RHOT1: variants seen among roughly 807,000 people sequenced by gnomAD.
The protein encoded by RHOT1 is ras homolog family member T1, also known as mitochondrial Rho GTPase 1.
Under a neutral mutation model 95.3 loss-of-function variants are expected in RHOT1, and 27 were observed. That is an observed-to-expected ratio of 0.28 (90% confidence interval 0.21 to 0.39). The LOEUF is 0.39. Ranked by LOEUF, RHOT1 falls within the 10% of genes least tolerant of loss-of-function variation. The pLI is 1.00. For missense variants in RHOT1, 578 were observed against 786.7 expected (o/e 0.73, Z 3.17); for synonymous variants, 227 against 263.5 (o/e 0.86, Z 1.34).
chr17:32,145,050 A>G (rs1401326062), intron 1 of RHOT1, among the ~76,000 whole-genome samples: 2 of 152,088 alleles, frequency 1.3e-5, no homozygotes, highest in African/African-American at 4.8e-5. Context: ...TAACCCCAAC[A>G]CTTTGGGAGG....
chr17:32,188,346 T>A (rs1203299867), intron 8 of RHOT1, among the ~76,000 whole-genome samples: 2 of 152,244 alleles, frequency 1.3e-5, no homozygotes, highest in Non-Finnish European at 2.9e-5. Flanking sequence ...TGCAATTGAG[T>A]TTCCATTAAC....
In RHOT1 at chr17:32,223,943, C is replaced by T. The variant is rs2038988578; in HGVS notation, c.1863-673C>T. On this transcript the variant is annotated intron_variant, in intron 19 of 19. Transcript: ENST00000545287. ...TACTATGGCTTATTTTATGTCATTG[C>T]CTTTCAATCCATCACATTACGTTAT... Among the ~76,000 whole-genome samples the T allele has an allele frequency of 2.0e-5, 3 of 152,238 alleles. No homozygotes were observed. The South Asian group carries it at 6.2e-4, about 32-fold the overall frequency.
rs1168725904 is a variant in RHOT1 at position 32,171,040 on chromosome 17, C to T, written c.38-3C>T. 2 of 1,599,456 alleles carry T rather than the reference C, an allele frequency of 1.3e-6. No individual in the cohort carries two copies. Among genetic ancestry groups the T allele is most frequent in the Non-Finnish European group, 1.7e-6 (2 of 1,172,398 alleles). On this transcript the variant is annotated splice_polypyrimidine_tract_variant and splice_region_variant and intron_variant, in intron 1 of 19. Coordinates refer to ENST00000545287, the MANE Select transcript of RHOT1 (RefSeq NM_001033566.3). ...ATTAAAGTAACGATTTTTCTTTTCA[C>T]AGCTAGAGTTGGGAAGACATCACTG...
intron 3 of RHOT1, 68 bp downstream of exon 3, chr17:32,173,980 G>A: frequency 9.1e-7 from 1 of 1,096,856 alleles, no homozygotes; most frequent in Non-Finnish European, 1.4e-6. Context: ...GATACTTACT[G>A]AGCTTTTACA....
chr17:32,220,885 T>G (rs2038791212), intron 19 of RHOT1, among the ~76,000 whole-genome samples: 1 of 152,198 alleles, frequency 6.6e-6, no homozygotes, highest in Non-Finnish European at 1.5e-5. Context: ...TGATTTTTTT[T>G]CTTACTTTGC....
At chr17:32,172,209 A>G (rs2034634027) in intron 2 of RHOT1, among the ~76,000 whole-genome samples, 1 of 152,174 alleles carries the variant, frequency 6.6e-6, no homozygotes, top group Non-Finnish European at 1.5e-5. Flanking sequence ...CTGCCAAAAG[A>G]CTATTTATTA....
chr17:32,176,119 A>C, intron 5 of RHOT1, 42 bp from the exon 6 acceptor site: 1 of 1,597,218 alleles, frequency 6.3e-7, no homozygotes, highest in Non-Finnish European at 8.5e-7. Flanking sequence ...TGTTTTGTAA[A>C]GATCCTTATC....
intron 15 of RHOT1, among the ~76,000 whole-genome samples, chr17:32,203,269 C>CTTTTTTTTTTTTTTTTT (rs940216011): frequency 4.7e-4 from 34 of 72,324 alleles, no homozygotes; most frequent in Non-Finnish European, 7.1e-4. Context: ...TCTTCTTCTT[C>CTTTTTTTTTTTTTTTTT]TTTTTTTTTT....
rs946423138 is a variant in RHOT1 at position 32,202,913 on chromosome 17, G to T, written c.1332+13G>T. 2.5e-6 allele frequency: 4 copies of T among 1,603,968 alleles called. No homozygotes were observed. The African/African-American group carries it at 4.0e-5, about 16-fold the overall frequency. The stretch of plus-strand genomic sequence containing the variant: ...AAGAAACTTAATGGTGAGAGTTCTC[G>T]TAAAATACAATTTTATCCAACAAAT... On this transcript the variant is annotated intron_variant, in intron 15 of 19. Transcript: ENST00000545287.
At chr17:32,165,917 G>A (rs1389672768) in intron 1 of RHOT1, among the ~76,000 whole-genome samples, 1 of 152,088 alleles carries the variant, frequency 6.6e-6, no homozygotes, top group Non-Finnish European at 1.5e-5. Context: ...AGGTGTGGTG[G>A]TGCATGCCTG....
At chr17:32,209,218 T>A (rs2037962687) in intron 18 of RHOT1, 1 of 449,018 alleles carries the variant, frequency 2.2e-6, no homozygotes, top group Admixed American at 4.0e-5. Flanking sequence ...TACCTAATAC[T>A]TTTTTTAGAT....
At chr17:32,150,685 A>G (rs2032172081) in intron 1 of RHOT1, 11 of 1,599,566 alleles carry the variant, frequency 6.9e-6, no homozygotes, top group East Asian at 2.2e-5. Flanking sequence ...ATACAGTTCT[A>G]TGATTTGGGA....
At chr17:32,146,553 C>G (rs2031362741) in intron 1 of RHOT1, among the ~76,000 whole-genome samples, 1 of 148,338 alleles carries the variant, frequency 6.7e-6, no homozygotes, top group Admixed American at 6.8e-5. Flanking sequence ...TCAGGCCAGT[C>G]TCCTGCCTCA....
In RHOT1 at chr17:32,170,869, GTA is replaced by G. The variant is rs111719037; in HGVS notation, c.38-172_38-171del. On this transcript the variant is annotated intron_variant, in intron 1 of 19. Transcript: ENST00000545287. ...TATTTTGGCAAGTTTTTAAAAAAGA[GTA>G]TGTGTGACTTTTCTAAACATAAAGA... is the stretch of plus-strand genomic sequence containing the variant. 4.2e-3 allele frequency among the ~76,000 whole-genome samples: 638 copies of G among 152,312 alleles called. 6 individuals are homozygous for G. Among genetic ancestry groups the G allele is most frequent in the African/African-American group, 0.014 (580 of 41,560 alleles).
At chr17:32,188,528 G>A (rs2036227604) in intron 8 of RHOT1, among the ~76,000 whole-genome samples, 1 of 152,112 alleles carries the variant, frequency 6.6e-6, no homozygotes, top group Admixed American at 6.5e-5. Flanking sequence ...TTCAAAGATG[G>A]GACATGTAAA....
intron 1 of RHOT1, among the ~76,000 whole-genome samples, chr17:32,154,883 G>A (rs2142398900): frequency 6.6e-6 from 1 of 150,742 alleles, no homozygotes; most frequent in East Asian, 2.0e-4. Context: ...AACAGAGCAA[G>A]GATCCATCTA....
intron 1 of RHOT1, among the ~76,000 whole-genome samples, chr17:32,162,741 A>G (rs2033678693): frequency 6.6e-6 from 1 of 152,226 alleles, no homozygotes; most frequent in South Asian, 2.1e-4. Context: ...TATTGTGTCA[A>G]TGTAGATTCA....
chr17:32,167,390 A>T (rs903484371), intron 1 of RHOT1, among the ~76,000 whole-genome samples: 1 of 151,266 alleles, frequency 6.6e-6, no homozygotes, highest in Non-Finnish European at 1.5e-5. Flanking sequence ...GCAGTAGTGC[A>T]ATCTTGGCTC....
At chr17:32,178,285 G>A (rs1190035032) in intron 6 of RHOT1, among the ~76,000 whole-genome samples, 2 of 146,568 alleles carry the variant, frequency 1.4e-5, no homozygotes, top group Non-Finnish European at 3.0e-5. Context: ...TGCCTGCCTC[G>A]GGCTCCCATG....
Sources: allele counts gnomAD v4.1 joint callset (sites outside exome capture counted in the v4.1 genomes callset), GRCh38; gene constraint gnomAD v4.1.1; transcripts MANE v1.5; gene names NCBI Gene and HGNC (gene_info 2026-07-23, HGNC 2026-07-21).